Variants in C10orf90 observed in about 807,000 individuals in gnomAD.
The protein encoded by C10orf90 is (E2-independent) E3 ubiquitin-conjugating enzyme FATS.
Under a neutral mutation model 62.5 loss-of-function variants are expected in C10orf90, and 56 were observed. The ratio of observed to expected loss-of-function variants is 0.90; its 90% CI spans 0.72 to 1.12. The LOEUF (loss-of-function observed/expected upper bound fraction) is 1.12. Among genes scored for constraint, C10orf90 ranks in the 50% most tolerant of loss-of-function variants. C10orf90 has a pLI of 0.00. For synonymous variants in C10orf90, 386 were observed against 340.4 expected (o/e 1.13, Z -1.47); for missense variants, 970 against 880.4 (o/e 1.10, Z -1.29).
chr10:126,592,428 A>G (rs1322451124), intron 2 of C10orf90, among the ~76,000 whole-genome samples: 1 of 152,208 alleles, frequency 6.6e-6, no homozygotes. Flanking sequence ...ACCTGACAAA[A>G]ACAAGCAATG....
chr10:126,638,283 G>A (rs1171634802), intron 2 of C10orf90, among the ~76,000 whole-genome samples: 1 of 152,050 alleles, frequency 6.6e-6, no homozygotes, highest in Admixed American at 6.5e-5. Context: ...CATGAGCCAG[G>A]GATGTGTGTG....
chr10:126,498,357 C>G (rs1862192065), intron 4 of C10orf90, among the ~76,000 whole-genome samples: 1 of 152,184 alleles, frequency 6.6e-6, no homozygotes, highest in Non-Finnish European at 1.5e-5. Flanking sequence ...GTCACTGCCC[C>G]CACTCCTGGA....
At chr10:126,452,646 A>G (rs1188827620) in intron 7 of C10orf90, among the ~76,000 whole-genome samples, 1 of 152,202 alleles carries the variant, frequency 6.6e-6, no homozygotes, top group Non-Finnish European at 1.5e-5. Context: ...TGTCCTTTAA[A>G]TCCACTTCTA....
chr10:126,518,532 C>A (rs371361037), intron 2 of C10orf90, among the ~76,000 whole-genome samples: 307 of 151,896 alleles, frequency 2.0e-3, no homozygotes, highest in African/African-American at 7.2e-3. Flanking sequence ...GGTTTCAATT[C>A]AAATAAAACC....
At chr10:126,457,741 C>T (rs926215838) in intron 7 of C10orf90, among the ~76,000 whole-genome samples, 1 of 152,104 alleles carries the variant, frequency 6.6e-6, no homozygotes, top group East Asian at 1.9e-4. Flanking sequence ...CACTGAAGGC[C>T]CCAGGGGTCT....
chr10:126,567,027 G>A (rs1844406848), intron 2 of C10orf90, among the ~76,000 whole-genome samples: 1 of 152,178 alleles, frequency 6.6e-6, no homozygotes, highest in Non-Finnish European at 1.5e-5. Flanking sequence ...GCCCTGGGTG[G>A]GCCATTGCCT....
intron 7 of C10orf90, among the ~76,000 whole-genome samples, chr10:126,455,528 C>G (rs1314523372): frequency 6.6e-6 from 1 of 152,224 alleles, no homozygotes; most frequent in Non-Finnish European, 1.5e-5. Flanking sequence ...TGTGTGGGTT[C>G]TCAAACAAGG....
intron 2 of C10orf90, among the ~76,000 whole-genome samples, chr10:126,574,689 A>G (rs1042862291): frequency 5.3e-5 from 8 of 152,126 alleles, no homozygotes; most frequent in Non-Finnish European, 8.8e-5. Context: ...AAGGTATAAA[A>G]CTAATAATAT....
intron 2 of C10orf90, chr10:126,521,584 C>G (rs759357111): frequency 1.5e-6 from 1 of 676,912 alleles, no homozygotes; most frequent in Non-Finnish European, 2.2e-6. Flanking sequence ...GCAATCGTCT[C>G]TTTGATGTTT....
chr10:126,490,687 A>G (rs1350809082), intron 4 of C10orf90, among the ~76,000 whole-genome samples: 1 of 152,172 alleles, frequency 6.6e-6, no homozygotes, highest in African/African-American at 2.4e-5. Flanking sequence ...GCATAAAAGG[A>G]AACTTCCTCA....
intron 2 of C10orf90, among the ~76,000 whole-genome samples, chr10:126,595,413 C>A (rs1437580948): frequency 2.6e-5 from 4 of 152,146 alleles, no homozygotes; most frequent in African/African-American, 7.2e-5. Context: ...ATCTCCTCTG[C>A]AAGTGACAGC....
chr10:126,549,063 A>C (rs1302259425), intron 2 of C10orf90, among the ~76,000 whole-genome samples: 1 of 152,242 alleles, frequency 6.6e-6, no homozygotes, highest in Non-Finnish European at 1.5e-5. Flanking sequence ...ATTTTATAGA[A>C]GAACGATTAA....
intron 4 of C10orf90, among the ~76,000 whole-genome samples, chr10:126,466,408 T>A (rs1438310303): frequency 1.3e-5 from 2 of 152,124 alleles, no homozygotes; most frequent in Non-Finnish European, 2.9e-5. Context: ...ATATTCTTGC[T>A]GTATTTTCTC....
intron 3 of C10orf90, among the ~76,000 whole-genome samples, chr10:126,507,546 G>A (rs959538585): frequency 6.7e-6 from 1 of 150,174 alleles, no homozygotes; most frequent in African/African-American, 2.4e-5. Context: ...GTCATGAAAG[G>A]GGACTTTCAG....
At chr10:126,565,336 A>T (rs1471142521) in intron 2 of C10orf90, among the ~76,000 whole-genome samples, 23 of 38,718 alleles carry the variant, frequency 5.9e-4, no homozygotes, top group African/African-American at 3.3e-3. Context: ...TATTTATATT[A>T]TATATAATAT....
chr10:126,639,252 A>T (rs1186369789), intron 2 of C10orf90, among the ~76,000 whole-genome samples: 4 of 152,116 alleles, frequency 2.6e-5, no homozygotes, highest in Non-Finnish European at 2.9e-5. Context: ...CTGCCAACTC[A>T]AAGCTATTTA....
rs1443728466 is a variant in C10orf90 at position 126,464,920 on chromosome 10, G to A, written c.1601C>T (p.Ala534Val). ...QQGEVCMTVSAPPVEQKPTRH... is the reference protein window; with the variant it reads ...QQGEVCMTVSVPPVEQKPTRH... ...AGTGGGCTTCTGTTCCACTGGAGGA[G>A]CAGACACAGTCATACATACTTCTCC... The change falls in exon 5 of 10, where the codon GCT becomes GTT. Residue 534 changes from alanine to valine, a missense_variant. Physicochemically the swap from Ala to Val is moderately conservative, Grantham distance 64. Coordinates refer to ENST00000488181, the MANE Select transcript of C10orf90 (RefSeq NM_001350921.2). 1 of 1,613,400 alleles carries A rather than the reference G, an allele frequency of 6.2e-7. No homozygotes were observed. Among genetic ancestry groups the A allele is most frequent in the Middle Eastern group, 1.7e-4 (1 of 6,060 alleles).
rs1004756036 is a variant in C10orf90, at chr10:126,602,856, T to C, written c.313+43709A>G. Among the ~76,000 whole-genome samples, 8 of 151,938 alleles carry C rather than the reference T, an allele frequency of 5.3e-5. 1 individual carries two copies. Among genetic ancestry groups the C allele is most frequent in the Non-Finnish European group, 1.5e-5 (1 of 68,008 alleles). ...ATTCCATGAAATGTGGTCATGTCTATTCATCCTCTTGTTGAAATACATTCC... is the reference window on the plus strand; with the variant it reads ...ATTCCATGAAATGTGGTCATGTCTACTCATCCTCTTGTTGAAATACATTCC... On this transcript the variant is annotated intron_variant, in intron 2 of 9. Transcript: ENST00000488181.
At chr10:126,514,232 A>G (rs943465698) in intron 2 of C10orf90, among the ~76,000 whole-genome samples, 4 of 152,154 alleles carry the variant, frequency 2.6e-5, no homozygotes, top group East Asian at 1.9e-4. Flanking sequence ...TATCATATTC[A>G]CCAGTGTCCC....
Sources: gnomAD v4.1 joint callset for allele counts (sites outside exome capture counted in the v4.1 genomes callset) on GRCh38, gnomAD v4.1.1 for gene constraint, MANE v1.5 for transcripts, NCBI Gene and HGNC (gene_info 2026-07-23, HGNC 2026-07-21) for gene names.